NTRK2: variants seen among roughly 807,000 people sequenced by gnomAD.
NTRK2 encodes BDNF/NT-3 growth factors receptor.
In NTRK2, 13 loss-of-function variants were observed where a neutral mutation model predicts 94.5. The ratio of observed to expected loss-of-function variants is 0.14; its 90% CI spans 0.09 to 0.22. The LOEUF (loss-of-function observed/expected upper bound fraction) is 0.22. Ranked by LOEUF, NTRK2 falls within the 10% of genes least tolerant of loss-of-function variation. The pLI, the probability that NTRK2 is intolerant of heterozygous loss-of-function variation, is 1.00. For synonymous variants in NTRK2, 372 were observed against 407.4 expected, an observed-to-expected ratio of 0.91 and a Z score of 1.05; for missense variants, 639 against 1,071.2, an observed-to-expected ratio of 0.60 and a Z score of 5.63.
At position 84,670,624 on chromosome 9, in the gene NTRK2, C is replaced by A; in HGVS notation, c.-125C>A. On this transcript the variant is annotated 5_prime_UTR_variant, in exon 2 of 19. Coordinates refer to ENST00000277120, the MANE Select transcript of NTRK2 (RefSeq NM_006180.6). ...AGCCTCTGATAAGCTGGACTCGGCACGCCCGCAACAAGCACCGAGGAGTTA... is the reference window on the plus strand; with the variant it reads ...AGCCTCTGATAAGCTGGACTCGGCAAGCCCGCAACAAGCACCGAGGAGTTA... 1.1e-6 allele frequency: 1 copy of A among 940,044 alleles called. No individual in the cohort carries two copies. Among genetic ancestry groups the A allele is most frequent in the South Asian group, 1.4e-5 (1 of 72,046 alleles). The allele number at this position is 940,044 out of a possible 1,614,324, so 58.2% of individuals were successfully genotyped here. A position where few individuals can be genotyped will look rare whatever the true frequency, so the allele number is the denominator to read the frequency against.
At position 85,021,289 on chromosome 9, in the gene NTRK2, G is replaced by A. The variant is rs532184896; in HGVS notation, c.2369G>A (p.Arg790Gln). 7 of 1,614,032 alleles carry A rather than the reference G, an allele frequency of 4.3e-6. No individual in the cohort carries two copies. The highest frequency in any genetic ancestry group is 3.3e-5 in the Admixed American group (2 of 60,010). The change falls in exon 19 of 19, where the codon CGA (arginine) becomes CAA (glutamine). Residue 790 changes from arginine (R) to glutamine (Q), a missense_variant. By Grantham distance (43) the Arg-to-Gln change is conservative. This residue lies in a region of NTRK2 where 77 missense variants were observed against 203.6 expected (regional missense o/e 0.38). Coordinates refer to ENST00000277120, the MANE Select transcript of NTRK2 (RefSeq NM_006180.6). ...ECITQGRVLQ[R>Q]PRTCPQEVYE... ...ATCACTCAGGGCCGAGTCCTGCAGCGACCCCGCACGTGCCCCCAGGAGGTG... is the reference window on the plus strand; with the variant it reads ...ATCACTCAGGGCCGAGTCCTGCAGCAACCCCGCACGTGCCCCCAGGAGGTG...
At chr9:84,768,051 A>G (rs1788198583) in intron 12 of NTRK2, among the ~76,000 whole-genome samples, 1 of 152,208 alleles carries the variant, frequency 6.6e-6, no homozygotes, top group South Asian at 2.1e-4. Context: ...GGATAATCCC[A>G]TTCATTGGCA....
rs1833013711 is a variant in NTRK2, at chr9:85,025,988, C to T, written c.*4551C>T. The T allele has an allele frequency of 8.6e-6, 2 of 232,566 alleles. No homozygotes were observed. The highest frequency in any genetic ancestry group is 2.2e-5 in the African/African-American group (1 of 45,296). 14.4% of individuals were successfully genotyped at this position (232,566 alleles called of 1,614,324 possible). ...TTGTTGTCAGGGCTGGAATGAATCA[C>T]TGCTGCTCAAGTCAAAGGTTCTTGA... On this transcript the variant is annotated 3_prime_UTR_variant, in exon 19 of 19. Transcript: ENST00000277120.
At chr9:84,861,823 A>G (rs144903762) in intron 13 of NTRK2, among the ~76,000 whole-genome samples, 1 of 152,270 alleles carries the variant, frequency 6.6e-6, no homozygotes, top group Admixed American at 6.5e-5. Context: ...CATCTTGGGC[A>G]TCTGTTGGTT....
intron 15 of NTRK2, among the ~76,000 whole-genome samples, chr9:84,937,929 C>T (rs1003488832): frequency 3.9e-5 from 6 of 152,106 alleles, no homozygotes; most frequent in Non-Finnish European, 7.4e-5. Context: ...AAGTGTGCAT[C>T]GTGGGATTCA....
At chr9:84,756,490 A>T (rs1006702649) in intron 12 of NTRK2, among the ~76,000 whole-genome samples, 3 of 152,222 alleles carry the variant, frequency 2.0e-5, no homozygotes, top group African/African-American at 7.2e-5. Flanking sequence ...GCCAGCAGGG[A>T]GGAGGGAGCT....
At chr9:84,873,813 T>C in intron 14 of NTRK2, 1 of 1,057,150 alleles carries the variant, frequency 9.5e-7, no homozygotes. Context: ...AAGTATAGTA[T>C]ACTTAGACCT....
chr9:84,670,404 C>G lies in NTRK2; in HGVS notation c.-345C>G. 2.4e-6 allele frequency: 1 copy of G among 422,564 alleles called. No individual in the cohort carries two copies. Among genetic ancestry groups the G allele is most frequent in the Non-Finnish European group, 4.3e-6 (1 of 230,838 alleles). The allele number at this position is 422,564 out of a possible 1,614,324, so 26.2% of individuals were successfully genotyped here. A position where few individuals can be genotyped will look rare whatever the true frequency, so the allele number is the denominator to read the frequency against. On this transcript the variant is annotated 5_prime_UTR_variant, in exon 2 of 19. Transcript: ENST00000277120. ...TCGAGGTGCATACCGGACCCCCATT[C>G]GCATCTAACAAGGAATCTGCGCCCC...
chr9:84,851,778 TTC>T (rs766828106), intron 12 of NTRK2, among the ~76,000 whole-genome samples: 6 of 152,172 alleles, frequency 3.9e-5, no homozygotes, highest in Non-Finnish European at 7.3e-5. Context: ...TACCATTTTC[TTC>T]CTCCCTTCAA....
At chr9:84,968,407 T>C (rs1340780276) in intron 17 of NTRK2, among the ~76,000 whole-genome samples, 2 of 152,144 alleles carry the variant, frequency 1.3e-5, no homozygotes, top group Non-Finnish European at 2.9e-5. Flanking sequence ...GTTCTAAAGC[T>C]GTGTTGGTTG....
At chr9:84,876,571 A>G in intron 14 of NTRK2, 15 of 1,056,976 alleles carry the variant, frequency 1.4e-5, no homozygotes, top group Non-Finnish European at 1.6e-5. Flanking sequence ...AGCCAGATGG[A>G]CTAACTGGTC....
At chr9:84,995,891 A>G (rs921063092) in intron 17 of NTRK2, among the ~76,000 whole-genome samples, 19 of 152,222 alleles carry the variant, frequency 1.2e-4, no homozygotes, top group Admixed American at 2.0e-4. Context: ...TTAATAGAGG[A>G]CAAGAAACAT....
At chr9:84,702,269 A>G in intron 3 of NTRK2, 36 bp downstream of exon 3, 3 of 1,612,186 alleles carry the variant, frequency 1.9e-6, no homozygotes, top group South Asian at 2.2e-5. Flanking sequence ...TATCTCAGAG[A>G]ATTTTCCTGT....
At chr9:84,903,737 C>T (rs567136873) in intron 14 of NTRK2, among the ~76,000 whole-genome samples, 2 of 151,634 alleles carry the variant, frequency 1.3e-5, no homozygotes, top group South Asian at 4.2e-4. Context: ...TTGCCTCCCT[C>T]CCTCCCTTCT....
At chr9:84,923,258 C>A (rs76984176) in intron 14 of NTRK2, among the ~76,000 whole-genome samples, 3 of 152,136 alleles carry the variant, frequency 2.0e-5, no homozygotes, top group Non-Finnish European at 2.9e-5. Context: ...AAAACTCCAG[C>A]CTGTTTTTGT....
intron 2 of NTRK2, among the ~76,000 whole-genome samples, chr9:84,699,018 C>A (rs1223394520): frequency 6.7e-6 from 1 of 150,050 alleles, no homozygotes; most frequent in East Asian, 2.0e-4. Flanking sequence ...GGATCTACTA[C>A]TAGAGGAGCC....
intron 17 of NTRK2, among the ~76,000 whole-genome samples, chr9:84,976,576 T>G (rs553809375): frequency 7.2e-5 from 11 of 152,234 alleles, no homozygotes; most frequent in Admixed American, 4.6e-4. Context: ...TTTTAAAGTA[T>G]CCATTAATGC....
At chr9:84,872,906 CCCA>C (rs2075917314) in intron 14 of NTRK2, 1 of 1,065,222 alleles carries the variant, frequency 9.4e-7, no homozygotes, top group Non-Finnish European at 1.1e-6. Context: ...ACAGCCACAG[CCCA>C]CTTCGTCCTT....
intron 17 of NTRK2, among the ~76,000 whole-genome samples, chr9:84,971,286 T>C (rs1826153678): frequency 6.6e-6 from 1 of 152,210 alleles, no homozygotes; most frequent in African/African-American, 2.4e-5. Context: ...AATAGACACA[T>C]CTTAGCCTCC....
Sources: allele counts gnomAD v4.1 joint callset (sites outside exome capture counted in the v4.1 genomes callset), GRCh38; gene constraint gnomAD v4.1.1; regional missense constraint gnomAD v4.1.1; transcripts MANE v1.5; gene names NCBI Gene and HGNC (gene_info 2026-07-23, HGNC 2026-07-21).